The following ZNF423 variants were observed in gnomAD, a reference collection of about 807,000 sequenced individuals.
ZNF423 encodes the protein zinc finger protein 423, also known as Ebf-associated zinc finger protein.
In ZNF423, 12 loss-of-function variants were observed where a neutral mutation model predicts 95.8. The ratio of observed to expected loss-of-function variants is 0.13; its 90% CI spans 0.08 to 0.20. The LOEUF (loss-of-function observed/expected upper bound fraction) is 0.20. Among genes scored for constraint, ZNF423 ranks in the 10% least tolerant of loss-of-function variants. The pLI, the probability that ZNF423 is intolerant of heterozygous loss-of-function variation, is 1.00. For missense variants in ZNF423, 1,316 were observed against 1,737.1 expected, an observed-to-expected ratio of 0.76 and a Z score of 4.31; for synonymous variants, 749 against 711.9, an observed-to-expected ratio of 1.05 and a Z score of -0.83.
intron 3 of ZNF423, among the ~76,000 whole-genome samples, chr16:49,647,989 G>A (rs1037772539): frequency 4.6e-5 from 7 of 152,138 alleles, no homozygotes; most frequent in Non-Finnish European, 8.8e-5. Flanking sequence ...AAAAGCCTAG[G>A]TAACCTTGAA....
At chr16:49,511,761 A>G (rs1245059154) in intron 7 of ZNF423, among the ~76,000 whole-genome samples, 1 of 152,196 alleles carries the variant, frequency 6.6e-6, no homozygotes, top group Non-Finnish European at 1.5e-5. Flanking sequence ...AATCATGTCA[A>G]TGACAACAGT....
At chr16:49,658,361 A>G (rs771831554) in intron 3 of ZNF423, among the ~76,000 whole-genome samples, 19 of 152,200 alleles carry the variant, frequency 1.2e-4, no homozygotes, top group Non-Finnish European at 2.1e-4. Context: ...GGCCAGGAAG[A>G]GAAGAGCCAG....
chr16:49,767,674 C>G (rs1210267894), intron 2 of ZNF423, among the ~76,000 whole-genome samples: 1 of 152,176 alleles, frequency 6.6e-6, no homozygotes, highest in Non-Finnish European at 1.5e-5. Flanking sequence ...ATCCTTTAAT[C>G]CCAGGGAGAG....
intron 5 of ZNF423, among the ~76,000 whole-genome samples, chr16:49,575,194 G>T (rs565599876): frequency 6.6e-6 from 1 of 152,230 alleles, no homozygotes; most frequent in Non-Finnish European, 1.5e-5. Flanking sequence ...GAGAACTTAG[G>T]CAATTCATTT....
rs553620398 is a variant in ZNF423, at chr16:49,702,902, T to C, written c.301+27869A>G. Among the ~76,000 whole-genome samples the C allele has an allele frequency of 9.5e-4, 124 of 130,914 alleles. 2 individuals are homozygous for C. Among genetic ancestry groups the C allele is most frequent in the African/African-American group, 3.4e-3 (120 of 34,912 alleles). 85.9% of individuals were successfully genotyped at this position (130,914 alleles called of 152,430 possible). A position where few individuals can be genotyped will look rare whatever the true frequency, so the allele number is the denominator to read the frequency against. On this transcript the variant is annotated intron_variant, in intron 3 of 7. Transcript: ENST00000563137. ...CGAGTGCCAAGCCAACCTGCCTGTG[T>C]GCACACGCACACACACACACACACA...
At chr16:49,587,909 C>T (rs1460762819) in intron 5 of ZNF423, among the ~76,000 whole-genome samples, 5 of 152,162 alleles carry the variant, frequency 3.3e-5, no homozygotes, top group Admixed American at 2.6e-4. Context: ...CTTCCACTGA[C>T]CACCCCCTAT....
intron 3 of ZNF423, among the ~76,000 whole-genome samples, chr16:49,702,849 G>A (rs2032228530): frequency 1.3e-5 from 2 of 151,684 alleles, no homozygotes; most frequent in African/African-American, 4.8e-5. Flanking sequence ...GGAGTTTCTC[G>A]GCCACAGACC....
At chr16:49,566,468 G>A (rs1181961569) in intron 5 of ZNF423, among the ~76,000 whole-genome samples, 1 of 152,166 alleles carries the variant, frequency 6.6e-6, no homozygotes, top group Non-Finnish European at 1.5e-5. Flanking sequence ...GAGGGGCTAT[G>A]AAAGACTCCA....
chr16:49,758,513 G>A (rs988337199), intron 2 of ZNF423, among the ~76,000 whole-genome samples: 2 of 152,142 alleles, frequency 1.3e-5, no homozygotes, highest in African/African-American at 4.8e-5. Context: ...GGGCTAAGTA[G>A]GGAGAATCGC....
rs138706807 is a variant in ZNF423 at position 49,837,029 on chromosome 16, G to A, written c.40+18706C>T. ...CAATTCAAAGTGGACTGTGGACGCCGGGACACATTGGAGCAACTGTTTCCT... is the reference window on the plus strand; with the variant it reads ...CAATTCAAAGTGGACTGTGGACGCCAGGACACATTGGAGCAACTGTTTCCT... On this transcript the variant is annotated intron_variant, in intron 1 of 7. Transcript: ENST00000563137. Among the ~76,000 whole-genome samples, 241 of 152,236 alleles carry A rather than the reference G, an allele frequency of 1.6e-3. 2 individuals carry two copies. Among genetic ancestry groups the A allele is most frequent in the Admixed American group, 7.9e-3 (120 of 15,280 alleles).
intron 5 of ZNF423, among the ~76,000 whole-genome samples, chr16:49,562,613 G>A (rs993843127): frequency 6.6e-6 from 1 of 152,214 alleles, no homozygotes; most frequent in Non-Finnish European, 1.5e-5. Context: ...CCCATCATGG[G>A]AGGCATTCAA....
intron 5 of ZNF423, among the ~76,000 whole-genome samples, chr16:49,529,912 C>A (rs571064913): frequency 1.1e-4 from 17 of 152,204 alleles, no homozygotes; most frequent in African/African-American, 2.6e-4. Context: ...GAACCCCCCT[C>A]GGGAAAGCTG....
At chr16:49,650,410 T>A (rs2540736) in intron 3 of ZNF423, among the ~76,000 whole-genome samples, 1 of 152,124 alleles carries the variant, frequency 6.6e-6, no homozygotes, top group Non-Finnish European at 1.5e-5. Context: ...CTGCTAAACA[T>A]TGGATGAACA....
intron 7 of ZNF423, among the ~76,000 whole-genome samples, chr16:49,508,513 T>TAAAA (rs35061120): frequency 1.2e-4 from 12 of 101,858 alleles, no homozygotes; most frequent in South Asian, 8.3e-4. Flanking sequence ...TTCTCTTTCT[T>TAAAA]AAAAAAAAAA....
chr16:49,657,124 G>T (rs763712354), intron 3 of ZNF423, among the ~76,000 whole-genome samples: 1 of 152,212 alleles, frequency 6.6e-6, no homozygotes. Context: ...GATTGGGTCC[G>T]TATTCTCAGC....
At position 49,527,237 on chromosome 16, in the gene ZNF423, T is replaced by C. The variant is rs141788852; in HGVS notation, c.3602-1743A>G. ...CCACTGGCTGGAATCTACCGGGTGT[T>C]TGTCATGCCCCTGGAGCCCTGGCAA... On this transcript the variant is annotated intron_variant, in intron 5 of 7. Transcript: ENST00000563137. Among the ~76,000 whole-genome samples the C allele has an allele frequency of 1.2e-3, 186 of 152,116 alleles. 4 individuals carry two copies. The East Asian group carries it at 0.03, about 24-fold the overall frequency.
chr16:49,834,653 C>T (rs1487515587), intron 1 of ZNF423, among the ~76,000 whole-genome samples: 3 of 152,138 alleles, frequency 2.0e-5, no homozygotes, highest in East Asian at 1.9e-4. Context: ...CCCAGGGGCC[C>T]GGGCAGGGGC....
chr16:49,835,955 G>A (rs1306739212), intron 1 of ZNF423, among the ~76,000 whole-genome samples: 2 of 152,162 alleles, frequency 1.3e-5, no homozygotes, highest in Non-Finnish European at 2.9e-5. Context: ...TGGGCCCAAG[G>A]AGCAGTTTGG....
chr16:49,706,580 G>A (rs564494262), intron 3 of ZNF423, among the ~76,000 whole-genome samples: 1 of 152,358 alleles, frequency 6.6e-6, no homozygotes, highest in African/African-American at 2.4e-5. Flanking sequence ...TGGGATGGCT[G>A]CCACCAAACA....
Sources: allele counts gnomAD v4.1 joint callset (sites outside exome capture counted in the v4.1 genomes callset), GRCh38; gene constraint gnomAD v4.1.1; transcripts MANE v1.5; gene names NCBI Gene and HGNC (gene_info 2026-07-23, HGNC 2026-07-21).